Variants in MAGI2 observed in about 807,000 individuals in gnomAD.
MAGI2 encodes the protein membrane-associated guanylate kinase, WW and PDZ domain-containing protein 2.
In MAGI2, 35 loss-of-function variants were observed where a neutral mutation model predicts 133.3. That is an observed-to-expected ratio of 0.26 (90% confidence interval 0.20 to 0.35). MAGI2 has a LOEUF of 0.35. Ranked by LOEUF, MAGI2 falls within the 10% of genes least tolerant of loss-of-function variation. The pLI is 1.00. For synonymous variants in MAGI2, 729 were observed against 710.6 expected (o/e 1.03, Z -0.41); for missense variants, 1,636 against 1,863.4 (o/e 0.88, Z 2.25).
chr7:78,781,297 T>C (rs975588200), intron 2 of MAGI2, among the ~76,000 whole-genome samples: 6 of 146,036 alleles, frequency 4.1e-5, no homozygotes, highest in Non-Finnish European at 7.4e-5. Context: ...GAGAATGGCA[T>C]GAACCCAGGA....
At chr7:78,547,808 C>G (rs1305639898) in intron 3 of MAGI2, among the ~76,000 whole-genome samples, 2 of 152,170 alleles carry the variant, frequency 1.3e-5, no homozygotes, top group Non-Finnish European at 2.9e-5. Flanking sequence ...GTGGCTTCAG[C>G]CTGGAATACA....
At chr7:78,105,298 A>G (rs1818571005) in intron 20 of MAGI2, among the ~76,000 whole-genome samples, 1 of 152,088 alleles carries the variant, frequency 6.6e-6, no homozygotes, top group South Asian at 2.1e-4. Flanking sequence ...ACTGTTGAAA[A>G]CATTGCTGTT....
chr7:78,209,468 G>A (rs989988119), intron 10 of MAGI2, among the ~76,000 whole-genome samples: 31 of 151,382 alleles, frequency 2.0e-4, no homozygotes, highest in Non-Finnish European at 3.7e-4. Flanking sequence ...TCACCATGTT[G>A]GCCAGGATGG....
intron 16 of MAGI2, among the ~76,000 whole-genome samples, chr7:78,147,430 G>T (rs1375721505): frequency 6.6e-6 from 1 of 152,038 alleles, no homozygotes; most frequent in Non-Finnish European, 1.5e-5. Flanking sequence ...TTTCTCTCAT[G>T]ACTTATATTT....
At chr7:78,344,707 T>G (rs1790724026) in intron 8 of MAGI2, among the ~76,000 whole-genome samples, 1 of 152,192 alleles carries the variant, frequency 6.6e-6, no homozygotes, top group Admixed American at 6.5e-5. Context: ...TAATTATGAA[T>G]GTAAAGGTAA....
chr7:78,160,083 C>G lies in MAGI2; in HGVS notation c.2787G>C (p.Glu929Asp). Residue 929 changes from glutamate (E) to aspartate (D), a missense_variant, in exon 16 of 22, where the codon GAG becomes GAC. Coordinates refer to ENST00000354212, the MANE Select transcript of MAGI2 (RefSeq NM_012301.4). The part of the protein sequence containing the change: ...SDVVIHRKEN[E>D]GFGFVIISSL... ...AGCTGATGATGACAAAGCCGAAGCCCTCATTCTCTTTGCGGTGAATGACCA... is the reference window on the plus strand; with the variant it reads ...AGCTGATGATGACAAAGCCGAAGCCGTCATTCTCTTTGCGGTGAATGACCA... The G allele has an allele frequency of 6.2e-7, 1 of 1,608,188 alleles. No individual in the cohort carries two copies. Among genetic ancestry groups the G allele is most frequent in the African/African-American group, 1.3e-5 (1 of 75,026 alleles).
intron 16 of MAGI2, among the ~76,000 whole-genome samples, chr7:78,159,074 C>A (rs1222261687): frequency 6.6e-6 from 1 of 152,128 alleles, no homozygotes; most frequent in Non-Finnish European, 1.5e-5. Flanking sequence ...CAAGCCCCTA[C>A]CCACCAAATT....
At chr7:79,447,906 T>A (rs34833172) in intron 1 of MAGI2, among the ~76,000 whole-genome samples, 1 of 151,974 alleles carries the variant, frequency 6.6e-6, no homozygotes, top group South Asian at 2.1e-4. Flanking sequence ...TTTATTATTG[T>A]TATTCTTTAT....
intron 7 of MAGI2, chr7:78,347,054 G>T (rs1480212690): frequency 6.6e-6 from 1 of 152,194 alleles, no homozygotes; most frequent in African/African-American, 2.4e-5. Context: ...GGAGAGATCG[G>T]ATTATTTGCT....
Position 78,185,623 on chromosome 7 carries a change from AC to A in MAGI2, c.2311+5del. 6.3e-7 allele frequency: 1 copy of A among 1,589,552 alleles called. No individual in the cohort carries two copies. ...CACAGAACTGTGAGTACTGAACAAT[AC>A]TTGCCAGAGGAATCCATTCGAAAAC... On this transcript the variant is annotated splice_donor_5th_base_variant and intron_variant, in intron 13 of 21. Transcript: ENST00000354212.
chr7:78,912,543 T>C (rs1282819348), intron 2 of MAGI2, among the ~76,000 whole-genome samples: 1 of 151,824 alleles, frequency 6.6e-6, no homozygotes. Context: ...AAAAGAGAGA[T>C]TGGCTTAGCC....
At chr7:79,376,532 C>T (rs10239365) in intron 1 of MAGI2, among the ~76,000 whole-genome samples, 3,289 of 151,824 alleles carry the variant, frequency 0.022, 100 homozygotes, top group African/African-American at 0.075. Context: ...ATCATCAAGC[C>T]ATGAAGATGT....
intron 1 of MAGI2, among the ~76,000 whole-genome samples, chr7:79,278,774 ATTTG>A (rs1835420999): frequency 6.6e-6 from 1 of 152,132 alleles, no homozygotes; most frequent in African/African-American, 2.4e-5. Context: ...ATCAGATGGA[ATTTG>A]TTTGAATCTC....
At chr7:78,623,342 G>T (rs1807952953) in intron 3 of MAGI2, among the ~76,000 whole-genome samples, 1 of 151,906 alleles carries the variant, frequency 6.6e-6, no homozygotes, top group Non-Finnish European at 1.5e-5. Flanking sequence ...TAAAATGTGT[G>T]CAAACTAATG....
At chr7:79,072,702 A>G (rs2117171860) in intron 1 of MAGI2, among the ~76,000 whole-genome samples, 1 of 152,376 alleles carries the variant, frequency 6.6e-6, no homozygotes, top group South Asian at 2.1e-4. Flanking sequence ...TAGTGCAATT[A>G]GCAAAGTATG....
intron 2 of MAGI2, among the ~76,000 whole-genome samples, chr7:78,873,865 G>C (rs1036043033): frequency 2.6e-5 from 4 of 152,046 alleles, no homozygotes; most frequent in African/African-American, 9.7e-5. Context: ...GCAAAGGAGA[G>C]CTTGCTCACA....
At chr7:79,299,970 G>C (rs1837267746) in intron 1 of MAGI2, among the ~76,000 whole-genome samples, 1 of 152,058 alleles carries the variant, frequency 6.6e-6, no homozygotes, top group Non-Finnish European at 1.5e-5. Context: ...GAAGCTTCCT[G>C]AGACCCCCCT....
intron 21 of MAGI2, among the ~76,000 whole-genome samples, chr7:78,027,079 T>C (rs78430580): frequency 0.047 from 7,113 of 152,240 alleles, 555 homozygotes; most frequent in African/African-American, 0.16. Context: ...GGGCATTGAA[T>C]GGCTTTCGGA....
At chr7:78,766,573 A>G (rs1825048757) in intron 2 of MAGI2, among the ~76,000 whole-genome samples, 1 of 152,194 alleles carries the variant, frequency 6.6e-6, no homozygotes, top group Non-Finnish European at 1.5e-5. Context: ...TTGACAGTAC[A>G]CAGTATTGTT....
Sources: gnomAD v4.1 joint callset for allele counts (sites outside exome capture counted in the v4.1 genomes callset) on GRCh38, gnomAD v4.1.1 for gene constraint, MANE v1.5 for transcripts, NCBI Gene and HGNC (gene_info 2026-07-23, HGNC 2026-07-21) for gene names.